Variants in CAMTA1 observed in about 807,000 individuals in gnomAD.
CAMTA1 encodes the protein calmodulin binding transcription activator 1.
CAMTA1 carries 27 observed loss-of-function variants against 170.9 expected under a neutral mutation model. The observed-to-expected ratio is 0.16, with a 90% CI of 0.12 to 0.22. The LOEUF is 0.22. CAMTA1 is among the 10% of genes least tolerant of loss of function. The pLI is 1.00. For synonymous variants in CAMTA1, 833 were observed against 891.5 expected (o/e 0.93, Z 1.17); for missense variants, 1,619 against 2,217.2 (o/e 0.73, Z 5.42).
chr1:6,805,349 C>G (rs1421066896), intron 1 of CAMTA1, among the ~76,000 whole-genome samples: 5 of 152,188 alleles, frequency 3.3e-5, no homozygotes, highest in African/African-American at 9.7e-5. Context: ...TATTCAAATC[C>G]TCTTCCATTT....
intron 5 of CAMTA1, among the ~76,000 whole-genome samples, chr1:7,310,091 AT>A (rs1405654279): frequency 2.0e-5 from 3 of 152,182 alleles, no homozygotes; most frequent in Non-Finnish European, 2.9e-5. Context: ...TCTTAGAGCA[AT>A]TCTAGAGAAT....
chr1:6,894,694 T>C (rs146991738), intron 3 of CAMTA1, among the ~76,000 whole-genome samples: 2,535 of 152,336 alleles, frequency 0.017, 25 homozygotes, highest in Non-Finnish European at 0.025. Flanking sequence ...AACCTGTATT[T>C]AAATCCACAC....
intron 5 of CAMTA1, among the ~76,000 whole-genome samples, chr1:7,253,187 C>T (rs935997949): frequency 6.6e-6 from 1 of 152,168 alleles, no homozygotes; most frequent in Non-Finnish European, 1.5e-5. Context: ...ATGCCAGCTT[C>T]TTTGGTGCCT....
At position 7,377,223 on chromosome 1, in the gene CAMTA1, C is replaced by T. The variant is rs530278952; in HGVS notation, c.439-90607C>T. 1.2e-4 allele frequency among the ~76,000 whole-genome samples: 19 copies of T among 152,272 alleles called. No individual in the cohort carries two copies. In the South Asian group the frequency reaches 1.5e-3, roughly 12 times the overall value. ...AAGCATTTACTAGGGACTTAAAAAG[C>T]GCAAGGCACTGGGAATACAGCAGCA... On this transcript the variant is annotated intron_variant, in intron 5 of 22. Transcript: ENST00000303635.
chr1:7,282,382 T>C (rs1671648085), intron 5 of CAMTA1, among the ~76,000 whole-genome samples: 1 of 152,152 alleles, frequency 6.6e-6, no homozygotes, highest in South Asian at 2.1e-4. Flanking sequence ...TCATTGCCTG[T>C]AGCTCTCACC....
chr1:7,314,147 C>A (rs1467139754), intron 5 of CAMTA1, among the ~76,000 whole-genome samples: 1 of 152,192 alleles, frequency 6.6e-6, no homozygotes, highest in Non-Finnish European at 1.5e-5. Context: ...AGTCTATATA[C>A]CAGTTATTTT....
Position 7,132,048 on chromosome 1 carries a change from TACACAC to T in CAMTA1, c.302+40696_302+40701del, listed in dbSNP as rs70984054. Among the ~76,000 whole-genome samples the T allele has an allele frequency of 2.6e-3, 389 of 149,834 alleles. 4 individuals are homozygous for T. The highest frequency in any genetic ancestry group is 4.2e-3 in the Non-Finnish European group (285 of 67,320). On this transcript the variant is annotated intron_variant, in intron 4 of 22. Coordinates refer to ENST00000303635, the MANE Select transcript of CAMTA1 (RefSeq NM_015215.4). ...AGCCTGGGTGACAGAGTGACTCTGT[TACACAC>T]ACACACACACACACACACGCACACA...
intron 5 of CAMTA1, among the ~76,000 whole-genome samples, chr1:7,436,165 G>A (rs1432020377): frequency 6.6e-6 from 1 of 152,238 alleles, no homozygotes; most frequent in East Asian, 1.9e-4. Flanking sequence ...CTGCCAGGGA[G>A]CTCTCCAAGC....
intron 6 of CAMTA1, among the ~76,000 whole-genome samples, chr1:7,518,152 G>T (rs889424161): frequency 6.6e-6 from 1 of 151,974 alleles, no homozygotes; most frequent in Non-Finnish European, 1.5e-5. Context: ...GCACGTGTCA[G>T]GGATATGGCT....
intron 3 of CAMTA1, among the ~76,000 whole-genome samples, chr1:6,950,542 T>C (rs1688301984): frequency 6.6e-6 from 1 of 152,154 alleles, no homozygotes; most frequent in Admixed American, 6.5e-5. Context: ...TCCTGCCACA[T>C]GCTCACTGCA....
chr1:7,746,626 A>T (rs1415896809), intron 18 of CAMTA1, among the ~76,000 whole-genome samples: 1 of 152,094 alleles, frequency 6.6e-6, no homozygotes, highest in South Asian at 2.1e-4. Context: ...GGCACAGAAC[A>T]ATGCTGATTT....
At chr1:7,198,299 C>T (rs1479529604) in intron 4 of CAMTA1, among the ~76,000 whole-genome samples, 1 of 151,952 alleles carries the variant, frequency 6.6e-6, no homozygotes, top group African/African-American at 2.4e-5. Flanking sequence ...GTGGGCTCAC[C>T]ACAGTTTGCA....
chr1:7,718,196 C>CGTTCCGTAAACACAGTGGGT (rs2096625262), intron 11 of CAMTA1, among the ~76,000 whole-genome samples: 3 of 151,504 alleles, frequency 2.0e-5, no homozygotes, highest in African/African-American at 7.3e-5. Flanking sequence ...CAGCAGTGGG[C>CGTTCCGTAAACACAGTGGGT]GTTCCGTAAA....
chr1:7,510,029 T>C (rs1484360552), intron 6 of CAMTA1, among the ~76,000 whole-genome samples: 2 of 108,262 alleles, frequency 1.8e-5, no homozygotes, highest in African/African-American at 2.9e-5. Context: ...AAAAAAACAC[T>C]GTCCTCCGAG....
At chr1:7,572,545 G>T (rs1477106635) in intron 6 of CAMTA1, among the ~76,000 whole-genome samples, 1 of 152,146 alleles carries the variant, frequency 6.6e-6, no homozygotes, top group Non-Finnish European at 1.5e-5. Flanking sequence ...TCCAGTTTCA[G>T]TCTTCTATAT....
At chr1:7,579,924 C>G (rs762540533) in intron 6 of CAMTA1, among the ~76,000 whole-genome samples, 41 of 152,260 alleles carry the variant, frequency 2.7e-4, no homozygotes, top group Non-Finnish European at 4.0e-4. Context: ...TCCTGCGTCA[C>G]TGGGACAGTT....
rs904457555 is a variant in CAMTA1 at position 7,146,832 on chromosome 1, A to T, written c.302+55461A>T. ...CACCATGTGCACACACACCACACAC[A>T]CATATACCATGCACACACAAACACA... is the stretch of plus-strand genomic sequence containing the variant. On this transcript the variant is annotated intron_variant, in intron 4 of 22. Coordinates refer to ENST00000303635, the MANE Select transcript of CAMTA1 (RefSeq NM_015215.4). This position sits in a 1 kb window ranked among gnomAD's most constrained non-coding sequence, Gnocchi z 4.3. Among the ~76,000 whole-genome samples the T allele has an allele frequency of 6.6e-6, 1 of 151,860 alleles. No homozygotes were observed. Among genetic ancestry groups the T allele is most frequent in the Non-Finnish European group, 1.5e-5 (1 of 67,960 alleles).
rs535813703 is a variant in CAMTA1, at chr1:7,092,118, C to A, written c.302+747C>A. Among the ~76,000 whole-genome samples the A allele has an allele frequency of 6.6e-6, 1 of 152,352 alleles. No homozygotes were observed. The highest frequency in any genetic ancestry group is 6.5e-5 in the Admixed American group (1 of 15,304). ...CTCTCTTCCAATTGCCGTAAGTTTT[C>A]TGTTAGCAGTGACAGGACCCAGGTG... On this transcript the variant is annotated intron_variant, in intron 4 of 22. Coordinates refer to ENST00000303635, the MANE Select transcript of CAMTA1 (RefSeq NM_015215.4). This position sits in a 1 kb window ranked among gnomAD's most constrained non-coding sequence, Gnocchi z 5.0.
At chr1:7,454,871 C>G (rs1399867611) in intron 5 of CAMTA1, among the ~76,000 whole-genome samples, 1 of 152,142 alleles carries the variant, frequency 6.6e-6, no homozygotes, top group Non-Finnish European at 1.5e-5. Context: ...AGAGCGCTCA[C>G]AGTGCAGCCC....
Sources: gnomAD v4.1 joint callset for allele counts (sites outside exome capture counted in the v4.1 genomes callset) on GRCh38, gnomAD v4.1.1 for gene constraint, Gnocchi (gnomAD v3.1) non-coding constraint, MANE v1.5 for transcripts, NCBI Gene and HGNC (gene_info 2026-07-23, HGNC 2026-07-21) for gene names.